The following SEMA5A variants were observed in gnomAD, a reference collection of about 807,000 sequenced individuals.
SEMA5A encodes the protein semaphorin 5A, also known as semaphorin-5A.
A neutral mutation model predicts 135.5 loss-of-function variants in SEMA5A; 55 were observed. The observed-to-expected ratio is 0.41, with a 90% CI of 0.33 to 0.51. SEMA5A has a LOEUF of 0.51. Among genes scored for constraint, SEMA5A ranks in the 20% least tolerant of loss-of-function variants. The probability of loss-of-function intolerance (pLI) is 0.37; values close to 1 mark genes in which losing one functional copy is unlikely to be tolerated. For missense variants in SEMA5A, 1,290 were observed against 1,419.9 expected, an observed-to-expected ratio of 0.91 and a Z score of 1.47; for synonymous variants, 580 against 546.5, an observed-to-expected ratio of 1.06 and a Z score of -0.85.
chr5:9,117,627 G>T (rs560423547), intron 15 of SEMA5A, among the ~76,000 whole-genome samples: 2 of 152,098 alleles, frequency 1.3e-5, no homozygotes, highest in African/African-American at 2.4e-5. Flanking sequence ...TCAAAAAACC[G>T]TGTGGAAATT....
chr5:9,356,017 C>T (rs1754427282), intron 3 of SEMA5A, among the ~76,000 whole-genome samples: 2 of 152,150 alleles, frequency 1.3e-5, no homozygotes, highest in Non-Finnish European at 2.9e-5. Flanking sequence ...CATTTATCTT[C>T]ATACAGGCTT....
chr5:9,221,814 T>G (rs1487745096), intron 8 of SEMA5A, among the ~76,000 whole-genome samples: 3 of 152,126 alleles, frequency 2.0e-5, no homozygotes. Flanking sequence ...ACCTAACATT[T>G]CTCTGTAAAG....
At position 9,039,927 on chromosome 5, in the gene SEMA5A, T is replaced by C. The variant is rs916147420; in HGVS notation, c.*2970A>G. On this transcript the variant is annotated 3_prime_UTR_variant, in exon 23 of 23. Transcript: ENST00000382496. ...AATCAATAGTAGATGGTGATGAGTC[T>C]GGCCTCAAGAAAGGACCCTGAATAG... is the stretch of plus-strand genomic sequence containing the variant. 2 of 152,242 alleles carry C rather than the reference T, an allele frequency of 1.3e-5. No homozygotes were observed. Among genetic ancestry groups the C allele is most frequent in the African/African-American group, 4.8e-5 (2 of 41,444 alleles). The allele number at this position is 152,242 out of a possible 1,614,324, so 9.4% of individuals were successfully genotyped here.
intron 1 of SEMA5A, among the ~76,000 whole-genome samples, chr5:9,444,243 G>A (rs966134860): frequency 6.6e-6 from 1 of 151,636 alleles, no homozygotes; most frequent in African/African-American, 2.4e-5. Flanking sequence ...ATGAGTAAGT[G>A]TAACCAAACT....
chr5:9,352,095 G>GGGGC (rs372508437), intron 3 of SEMA5A, among the ~76,000 whole-genome samples: 2 of 10,298 alleles, frequency 1.9e-4, no homozygotes, highest in South Asian at 0.024. Flanking sequence ...GTAACAGGTC[G>GGGGC]GGGGGGTTAC....
At chr5:9,195,715 C>CT (rs1745351840) in intron 10 of SEMA5A, among the ~76,000 whole-genome samples, 1 of 152,206 alleles carries the variant, frequency 6.6e-6, no homozygotes, top group Non-Finnish European at 1.5e-5. Context: ...TCTCATGCTC[C>CT]TTCAAAAGCT....
At chr5:9,079,569 T>C (rs191163131) in intron 16 of SEMA5A, among the ~76,000 whole-genome samples, 9 of 152,106 alleles carry the variant, frequency 5.9e-5, no homozygotes, top group African/African-American at 2.2e-4. Flanking sequence ...AAAGAGCTTC[T>C]GCACAGCAAA....
intron 3 of SEMA5A, among the ~76,000 whole-genome samples, chr5:9,374,353 G>T (rs971258656): frequency 6.8e-6 from 1 of 147,316 alleles, no homozygotes; most frequent in Admixed American, 7.2e-5. Flanking sequence ...GCATGAAGAC[G>T]TTCCGTTACC....
At chr5:9,118,866 G>A in intron 15 of SEMA5A, 132 bp downstream of exon 15, 2 of 1,150,392 alleles carry the variant, frequency 1.7e-6, no homozygotes, top group Non-Finnish European at 2.4e-6. Flanking sequence ...AGAAGAGGAC[G>A]ACTGGCTCAG....
At chr5:9,218,028 G>T (rs1012674368) in intron 8 of SEMA5A, among the ~76,000 whole-genome samples, 3 of 152,034 alleles carry the variant, frequency 2.0e-5, no homozygotes, top group Admixed American at 2.0e-4. Context: ...AGGAAACAAA[G>T]AACACTGGGG....
At chr5:9,278,474 G>A (rs1750377899) in intron 5 of SEMA5A, among the ~76,000 whole-genome samples, 2 of 152,226 alleles carry the variant, frequency 1.3e-5, no homozygotes, top group Non-Finnish European at 2.9e-5. Flanking sequence ...ATTTTCTGGG[G>A]AGAAAAATCA....
intron 13 of SEMA5A, among the ~76,000 whole-genome samples, chr5:9,127,339 C>T (rs1378990837): frequency 6.6e-6 from 1 of 152,132 alleles, no homozygotes; most frequent in Non-Finnish European, 1.5e-5. Context: ...TCTGGGAATG[C>T]CTCTAAGATT....
Position 9,450,985 on chromosome 5 carries a change from C to T in SEMA5A, c.-174-13133G>A, listed in dbSNP as rs1321589783. ...ATCAGCCTAATAATTGAATACAGAG[C>T]TTTAAAAAGAAAGGCTTGTATAACT... On this transcript the variant is annotated intron_variant, in intron 1 of 22. Transcript: ENST00000382496. Among the ~76,000 whole-genome samples the T allele has an allele frequency of 3.9e-5, 6 of 152,146 alleles. No homozygotes were observed. The East Asian group carries it at 1.2e-3, about 29-fold the overall frequency.
intron 17 of SEMA5A, 52 bp from the exon 18 acceptor site, chr5:9,063,157 A>G: frequency 6.6e-7 from 1 of 1,510,524 alleles, no homozygotes; most frequent in Non-Finnish European, 9.0e-7. Context: ...CAGAGGAACT[A>G]CAGTCCATGC....
intron 4 of SEMA5A, among the ~76,000 whole-genome samples, chr5:9,336,101 T>C (rs1753379368): frequency 6.6e-6 from 1 of 151,672 alleles, no homozygotes; most frequent in South Asian, 2.1e-4. Flanking sequence ...TTACTACAAG[T>C]GGGAGTTTAC....
rs112147885 is a variant in SEMA5A, at chr5:9,468,121, T to C, written c.-174-30269A>G. Among the ~76,000 whole-genome samples, 637 of 152,256 alleles carry C rather than the reference T, an allele frequency of 4.2e-3. 2 individuals are homozygous for C. The highest frequency in any genetic ancestry group is 6.6e-3 in the Non-Finnish European group (448 of 68,010). ...GCAGGCTGCCCCTTACTCCACTGAC[T>C]CATGCTGCCACAAAAACGGCAGGGA... is the stretch of plus-strand genomic sequence containing the variant. On this transcript the variant is annotated intron_variant, in intron 1 of 22. Coordinates refer to ENST00000382496, the MANE Select transcript of SEMA5A (RefSeq NM_003966.3).
At chr5:9,197,780 G>GTGTGTGTGTGTA (rs1402121195) in intron 9 of SEMA5A, among the ~76,000 whole-genome samples, 3,913 of 103,844 alleles carry the variant, frequency 0.038, 205 homozygotes, top group Non-Finnish European at 0.043. Flanking sequence ...GTGTGTGTGT[G>GTGTGTGTGTGTA]TGTGTTTTAA....
chr5:9,326,582 C>T (rs1487799421), intron 4 of SEMA5A, among the ~76,000 whole-genome samples: 1 of 151,980 alleles, frequency 6.6e-6, no homozygotes, highest in African/African-American at 2.4e-5. Context: ...TAGTTCGAGA[C>T]TAGCCTGGCC....
At chr5:9,063,152 G>C (rs977590340) in intron 17 of SEMA5A, 47 bp from the exon 18 acceptor site, 16 of 1,527,022 alleles carry the variant, frequency 1.0e-5, no homozygotes, top group Non-Finnish European at 1.4e-5. Context: ...AGTTTCAGAG[G>C]AACTACAGTC....
Sources: gnomAD v4.1 joint callset for allele counts (sites outside exome capture counted in the v4.1 genomes callset) on GRCh38, gnomAD v4.1.1 for gene constraint, MANE v1.5 for transcripts, NCBI Gene and HGNC (gene_info 2026-07-23, HGNC 2026-07-21) for gene names.